Variants in OR4D2 observed in about 807,000 individuals in gnomAD.
OR4D2 encodes the protein olfactory receptor family 4 subfamily D member 2.
A neutral mutation model predicts 12.4 loss-of-function variants in OR4D2; 9 were observed. The ratio of observed to expected loss-of-function variants is 0.73; its 90% CI spans 0.44 to 1.27. The LOEUF (loss-of-function observed/expected upper bound fraction) is 1.27. OR4D2 is among the 50% of genes most tolerant of loss of function. The probability of loss-of-function intolerance (pLI) is 0.00; values close to 1 mark genes in which losing one functional copy is unlikely to be tolerated. For synonymous variants in OR4D2, 151 were observed against 151.1 expected, an observed-to-expected ratio of 1.00 and a Z score of 0.01; for missense variants, 373 against 381.6, an observed-to-expected ratio of 0.98 and a Z score of 0.19.
Position 58,169,627 on chromosome 17 carries a change from A to G in OR4D2, c.-18-11A>G, listed in dbSNP as rs1403901757. 1 of 1,578,614 alleles carries G rather than the reference A, an allele frequency of 6.3e-7. No homozygotes were observed. The highest frequency in any genetic ancestry group is 8.7e-7 in the Non-Finnish European group (1 of 1,147,912). ...CTTCATGTATCTGTGTCTGTGGTTC[A>G]TTTTCTTCAGGTGTATGGAGAAAAC... On this transcript the variant is annotated splice_polypyrimidine_tract_variant and intron_variant, in intron 1 of 1. Transcript: ENST00000545221.
chr17:58,169,406 T>C lies in OR4D2; in HGVS notation c.-18-232T>C, dbSNP rs1015159764. On this transcript the variant is annotated intron_variant, in intron 1 of 1. Coordinates refer to ENST00000545221, the MANE Select transcript of OR4D2 (RefSeq NM_001004707.4). ...GACTCCAAGTGTCTTCCCACCACTA[T>C]ATGAATCTTTGAAAGGCAGGTTGTA... 3 of 546,452 alleles carry C rather than the reference T, an allele frequency of 5.5e-6. No individual in the cohort carries two copies. The African/African-American group carries it at 5.7e-5, about 10-fold the overall frequency. 33.9% of individuals were successfully genotyped at this position (546,452 alleles called of 1,614,324 possible). A position where few individuals can be genotyped will look rare whatever the true frequency, so the allele number is the denominator to read the frequency against.
In OR4D2 at chr17:58,170,493, C is replaced by A. The variant is rs770977277; in HGVS notation, c.838C>A (p.Pro280Thr). 3.7e-6 allele frequency: 6 copies of A among 1,614,072 alleles called. No individual in the cohort carries two copies. The African/African-American group carries it at 8.0e-5, about 22-fold the overall frequency. Residue 280 changes from proline to threonine, a missense_variant, in exon 2 of 2, where the codon CCC becomes ACC. Transcript: ENST00000545221. ...LVSIGHTVMTPMLNPMIYTLR... is the reference protein window; with the variant it reads ...LVSIGHTVMTTMLNPMIYTLR... The stretch of plus-strand genomic sequence containing the variant: ...GTCCATCGGCCACACAGTCATGACC[C>A]CCATGCTCAACCCCATGATCTATAC...
chr17:58,169,681 T>C lies in OR4D2; in HGVS notation c.26T>C (p.Val9Ala). 6.2e-7 allele frequency: 1 copy of C among 1,614,030 alleles called. No individual in the cohort carries two copies. Among genetic ancestry groups the C allele is most frequent in the Non-Finnish European group, 8.5e-7 (1 of 1,179,872 alleles). ...ATGGAAACAGGGAACCTCACGTGGG[T>C]ATCAGACTTTGTCTTCCTGGGGCTC... is the stretch of plus-strand genomic sequence containing the variant. METGNLTW[V>A]SDFVFLGLSQ... is the part of the protein sequence containing the mutation. Residue 9 changes from valine (V) to alanine (A), a missense_variant, in exon 2 of 2, where the codon GTA (valine) becomes GCA (alanine). Physicochemically the swap from Val to Ala is moderately conservative, Grantham distance 64. Transcript: ENST00000545221.
intron 1 of OR4D2, among the ~76,000 whole-genome samples, chr17:58,167,751 A>C (rs1327957749): frequency 6.6e-6 from 1 of 151,522 alleles, no homozygotes; most frequent in South Asian, 2.1e-4. Flanking sequence ...GCGGTGGCTC[A>C]TGCCTGTAAT....
chr17:58,169,374 T>A, intron 1 of OR4D2: 1 of 446,784 alleles, frequency 2.2e-6, no homozygotes, highest in East Asian at 4.2e-5. Context: ...TGACTTCAGA[T>A]GTATCTGACT....
At position 58,170,014 on chromosome 17, in the gene OR4D2, T is replaced by C. The variant is rs757674495; in HGVS notation, c.359T>C (p.Phe120Ser). Residue 120 changes from phenylalanine to serine, a missense_variant, in exon 2 of 2, where the codon TTT (phenylalanine) becomes TCT (serine). By Grantham distance (155) the Phe-to-Ser change is radical (BLOSUM62 -2). Transcript: ENST00000545221. ...GTCTTCTTCCTCTCAGTGATGGCCT[T>C]TGACCGCCTCATTGCCATCTCCCGG... The part of the protein sequence containing the change: ...AMVFFLSVMA[F>S]DRLIAISRPL... The C allele has an allele frequency of 3.7e-6, 6 of 1,614,010 alleles. No individual in the cohort carries two copies. The highest frequency in any genetic ancestry group is 5.1e-6 in the Non-Finnish European group (6 of 1,180,022).
intron 1 of OR4D2, 45 bp from the exon 2 acceptor site, chr17:58,169,593 A>C: frequency 1.5e-6 from 2 of 1,362,578 alleles, no homozygotes; most frequent in South Asian, 2.3e-5. Context: ...CTGAAAGGGA[A>C]AGTAGTGACT....
In OR4D2 at chr17:58,170,591, G is replaced by T; in HGVS notation, c.*12G>T. 1 of 1,605,558 alleles carries T rather than the reference G, an allele frequency of 6.2e-7. No individual in the cohort carries two copies. Among genetic ancestry groups the T allele is most frequent in the Non-Finnish European group, 8.5e-7 (1 of 1,172,198 alleles). On this transcript the variant is annotated 3_prime_UTR_variant, in exon 2 of 2. Transcript: ENST00000545221. Reference sequence around the variant, plus strand: ...ACCGGCTGGTTTGAGAGTGACAATGGTAGGTTTCTTCTCTTTGGCTTTGTT... The same window carrying T: ...ACCGGCTGGTTTGAGAGTGACAATGTTAGGTTTCTTCTCTTTGGCTTTGTT...
chr17:58,168,043 G>A (rs1336017511), intron 1 of OR4D2, among the ~76,000 whole-genome samples: 1 of 143,694 alleles, frequency 7.0e-6, no homozygotes, highest in Non-Finnish European at 1.5e-5. Flanking sequence ...TGGAGTGGAA[G>A]TAAACTGAAG....
chr17:58,167,893 C>A (rs1363459818), intron 1 of OR4D2, among the ~76,000 whole-genome samples: 2 of 147,908 alleles, frequency 1.4e-5, no homozygotes, highest in South Asian at 4.3e-4. Flanking sequence ...GTTCCAGCTA[C>A]GCGGGAGGCT....
At position 58,170,714 on chromosome 17, in the gene OR4D2, T is replaced by C. The variant is rs1323249574; in HGVS notation, c.*135T>C. Reference sequence around the variant, plus strand: ...GGAATGAATTTTGAAACTAAGCAACTTCGTGTTTTAGGAAAAAAGAAAGTA... The same window carrying C: ...GGAATGAATTTTGAAACTAAGCAACCTCGTGTTTTAGGAAAAAAGAAAGTA... On this transcript the variant is annotated 3_prime_UTR_variant, in exon 2 of 2. Coordinates refer to ENST00000545221, the MANE Select transcript of OR4D2 (RefSeq NM_001004707.4). 7 of 710,820 alleles carry C rather than the reference T, an allele frequency of 9.8e-6. No homozygotes were observed. The highest frequency in any genetic ancestry group is 1.5e-5 in the Non-Finnish European group (6 of 411,574). The allele number at this position is 710,820 out of a possible 1,614,324, so 44.0% of individuals were successfully genotyped here.
At chr17:58,169,581 C>A in intron 1 of OR4D2, 57 bp from the exon 2 acceptor site, 2 of 1,224,558 alleles carry the variant, frequency 1.6e-6, no homozygotes, top group Non-Finnish European at 2.4e-6. Context: ...AGCCCCTGAG[C>A]CCTGAAAGGG....
At position 58,169,815 on chromosome 17, in the gene OR4D2, C is replaced by G. The variant is rs1212515065; in HGVS notation, c.160C>G (p.Gln54Glu). Residue 54 changes from glutamine to glutamate, a missense_variant, in exon 2 of 2, where the codon CAG becomes GAG. Coordinates refer to ENST00000545221, the MANE Select transcript of OR4D2 (RefSeq NM_001004707.4). ...CATCATCACAGTGACCTCTGATTCCCAGCTCCACACACCCATGTACTTTCT... is the reference window on the plus strand; with the variant it reads ...CATCATCACAGTGACCTCTGATTCCGAGCTCCACACACCCATGTACTTTCT... Reference protein sequence around the residue: ...LIIITVTSDSQLHTPMYFLLR... With the variant: ...LIIITVTSDSELHTPMYFLLR... The G allele has an allele frequency of 6.2e-6, 10 of 1,614,044 alleles. No individual in the cohort carries two copies. Among genetic ancestry groups the G allele is most frequent in the Non-Finnish European group, 8.5e-6 (10 of 1,180,042 alleles).
intron 1 of OR4D2, among the ~76,000 whole-genome samples, chr17:58,168,370 A>T (rs926453881): frequency 2.0e-5 from 3 of 151,846 alleles, no homozygotes; most frequent in Non-Finnish European, 2.9e-5. Flanking sequence ...CGCCCGGCTA[A>T]TTTTTTTGTA....
intron 1 of OR4D2, among the ~76,000 whole-genome samples, chr17:58,169,132 G>A (rs1192091856): frequency 6.6e-6 from 1 of 152,214 alleles, no homozygotes; most frequent in Non-Finnish European, 1.5e-5. Context: ...TTACAGAGTG[G>A]AAGAGAGGAT....
At position 58,170,163 on chromosome 17, in the gene OR4D2, G is replaced by A. The variant is rs1967945133; in HGVS notation, c.508G>A (p.Gly170Ser). The change falls in exon 2 of 2, where the codon GGC (glycine) becomes AGC (serine). Residue 170 changes from glycine (G) to serine (S), a missense_variant. By Grantham distance (56) the Gly-to-Ser change is moderately conservative. Transcript: ENST00000545221. ...LALMLPLPFC[G>S]PNILDNFYCD... Reference sequence around the variant, plus strand: ...TCTGATGCTCCCACTGCCCTTCTGTGGCCCCAACATTTTGGATAACTTCTA... The same window carrying A: ...TCTGATGCTCCCACTGCCCTTCTGTAGCCCCAACATTTTGGATAACTTCTA... The A allele has an allele frequency of 6.2e-7, 1 of 1,613,964 alleles. No homozygotes were observed. Among genetic ancestry groups the A allele is most frequent in the Non-Finnish European group, 8.5e-7 (1 of 1,180,020 alleles).
At position 58,170,701 on chromosome 17, in the gene OR4D2, G is replaced by C. The variant is rs1164154686; in HGVS notation, c.*122G>C. ...TTCATCATAGCAGGGAATGAATTTT[G>C]AAACTAAGCAACTTCGTGTTTTAGG... On this transcript the variant is annotated 3_prime_UTR_variant, in exon 2 of 2. Transcript: ENST00000545221. 10 of 764,132 alleles carry C rather than the reference G, an allele frequency of 1.3e-5. No homozygotes were observed. The highest frequency in any genetic ancestry group is 1.7e-5 in the South Asian group (1 of 59,532). The allele number at this position is 764,132 out of a possible 1,614,324, so 47.3% of individuals were successfully genotyped here.
At position 58,169,945 on chromosome 17, in the gene OR4D2, G is replaced by A. The variant is rs80043692; in HGVS notation, c.290G>A (p.Cys97Tyr). 184 of 1,613,828 alleles carry A rather than the reference G, an allele frequency of 1.1e-4. No individual in the cohort carries two copies. The highest frequency in any genetic ancestry group is 6.0e-4 in the African/African-American group (45 of 74,860). ...SEKKTISYQGCMGQIFFFHFL... is the reference protein window; with the variant it reads ...SEKKTISYQGYMGQIFFFHFL... ...AAGAAAACCATCTCTTACCAGGGCT[G>A]CATGGGTCAGATCTTCTTCTTCCAC... The change falls in exon 2 of 2, where the codon TGC becomes TAC. Residue 97 changes from cysteine (C) to tyrosine (Y), a missense_variant. By Grantham distance (194) the Cys-to-Tyr change is radical. Coordinates refer to ENST00000545221, the MANE Select transcript of OR4D2 (RefSeq NM_001004707.4).
intron 1 of OR4D2, among the ~76,000 whole-genome samples, chr17:58,167,852 A>C (rs1210785844): frequency 6.6e-6 from 1 of 151,814 alleles, no homozygotes; most frequent in East Asian, 1.9e-4. Flanking sequence ...TTACAAAAAA[A>C]ATTAGCCGGG....
Sources: gnomAD v4.1 joint callset for allele counts (sites outside exome capture counted in the v4.1 genomes callset) on GRCh38, gnomAD v4.1.1 for gene constraint, MANE v1.5 for transcripts, NCBI Gene and HGNC (gene_info 2026-07-23, HGNC 2026-07-21) for gene names.